Variants in DIS3L2 observed in about 807,000 individuals in gnomAD.
The protein encoded by DIS3L2 is DIS3-like exonuclease 2.
A neutral mutation model predicts 97.5 loss-of-function variants in DIS3L2; 34 were observed. The observed-to-expected ratio is 0.35, with a 90% confidence interval of 0.27 to 0.46. DIS3L2 has a LOEUF of 0.46. Ranked by LOEUF, DIS3L2 falls within the 20% of genes least tolerant of loss-of-function variation. DIS3L2 has a pLI of 1.00. For synonymous variants in DIS3L2, 435 were observed against 445.2 expected (o/e 0.98, Z 0.29); for missense variants, 1,038 against 1,146.0 (o/e 0.91, Z 1.36).
chr2:232,166,411 A>G (rs1231334472), intron 9 of DIS3L2, among the ~76,000 whole-genome samples: 1 of 152,202 alleles, frequency 6.6e-6, no homozygotes, highest in African/African-American at 2.4e-5. Context: ...CTATTCATGA[A>G]GTAACAAGGA....
intron 1 of DIS3L2, among the ~76,000 whole-genome samples, chr2:231,961,979 T>C (rs1458519970): frequency 6.6e-6 from 1 of 152,116 alleles, no homozygotes; most frequent in African/African-American, 2.4e-5. Context: ...CTCCCCACTC[T>C]CCGCTCCTGA....
At chr2:232,339,469 CAG>C (rs573585703), downstream of DIS3L2, among the ~76,000 whole-genome samples, 476 of 152,322 alleles carry the variant, frequency 3.1e-3, 4 homozygotes, top group Non-Finnish European at 4.7e-3. Context: ...AGAGGCCTGA[CAG>C]GGACAGGCTG....
intron 1 of DIS3L2, among the ~76,000 whole-genome samples, chr2:231,991,818 G>A (rs1170882557): frequency 6.6e-6 from 1 of 152,184 alleles, no homozygotes; most frequent in Non-Finnish European, 1.5e-5. Context: ...GGTTTTGAGA[G>A]TACACAGGGC....
chr2:232,179,986 G>A (rs1252208026), intron 9 of DIS3L2, among the ~76,000 whole-genome samples: 18 of 125,348 alleles, frequency 1.4e-4, no homozygotes, highest in South Asian at 1.0e-3. Flanking sequence ...CTTTGAATGC[G>A]TCCCAGAGAT....
In DIS3L2 at chr2:232,238,580, C is replaced by T. The variant is rs1692997355; in HGVS notation, c.1252C>T (p.Pro418Ser). 1 of 1,614,166 alleles carries T rather than the reference C, an allele frequency of 6.2e-7. No homozygotes were observed. Among genetic ancestry groups the T allele is most frequent in the Non-Finnish European group, 8.5e-7 (1 of 1,180,028 alleles). Residue 418 changes from proline to serine, a missense_variant, in exon 11 of 21, where the codon CCG (proline) becomes TCG (serine). By Grantham distance (74) the Pro-to-Ser change is moderately conservative. Around this residue, in one of 3 missense-constraint regions of DIS3L2, gnomAD observed 813 missense variants for 880.1 expected, o/e 0.92. Coordinates refer to ENST00000325385, the MANE Select transcript of DIS3L2 (RefSeq NM_152383.5). ...VHIADVSYFV[P>S]EGSDLDKVAA... The stretch of plus-strand genomic sequence containing the variant: ...CATTGCTGACGTGAGTTACTTTGTT[C>T]CGGAGGGATCTGATCTGGATAAAGT...
At chr2:232,295,894 T>C (rs1472829183) in intron 13 of DIS3L2, among the ~76,000 whole-genome samples, 1 of 152,240 alleles carries the variant, frequency 6.6e-6, no homozygotes, top group East Asian at 1.9e-4. Flanking sequence ...ATGTTCTCTC[T>C]TTGGCTTCTA....
intron 5 of DIS3L2, among the ~76,000 whole-genome samples, chr2:232,063,702 A>G (rs1215834694): frequency 6.6e-6 from 1 of 151,960 alleles, no homozygotes; most frequent in East Asian, 1.9e-4. Context: ...AGCTTATACC[A>G]TTTGATTGAT....
chr2:232,343,238 C>A, intron 13 of DIS3L2: 2 of 890,112 alleles, frequency 2.2e-6, no homozygotes, highest in Non-Finnish European at 3.5e-6. Flanking sequence ...CTTTCTGAAG[C>A]TATGGAGCTG....
At chr2:232,163,748 A>T in intron 9 of DIS3L2, 116 bp downstream of exon 9, 1 of 1,225,380 alleles carries the variant, frequency 8.2e-7, no homozygotes, top group Non-Finnish European at 1.1e-6. Flanking sequence ...TTCAGTTGGG[A>T]ATAGGTGCTT....
intron 9 of DIS3L2, among the ~76,000 whole-genome samples, chr2:232,164,800 C>G (rs1315067239): frequency 6.6e-6 from 1 of 152,162 alleles, no homozygotes; most frequent in Non-Finnish European, 1.5e-5. Context: ...TGAACCCCTG[C>G]TAGCACATGG....
At chr2:232,102,994 CTTAT>C (rs901836083) in intron 6 of DIS3L2, among the ~76,000 whole-genome samples, 1 of 151,980 alleles carries the variant, frequency 6.6e-6, no homozygotes, top group African/African-American at 2.4e-5. Flanking sequence ...AGATTTTTAA[CTTAT>C]TTGAGTTAAC....
At chr2:232,262,672 C>G (rs1459702139) in intron 12 of DIS3L2, among the ~76,000 whole-genome samples, 2 of 152,222 alleles carry the variant, frequency 1.3e-5, no homozygotes, top group African/African-American at 4.8e-5. Flanking sequence ...GAAGCCTGTT[C>G]TAGACTTCTG....
chr2:232,119,862 C>T (rs950992681), intron 6 of DIS3L2, among the ~76,000 whole-genome samples: 7 of 152,262 alleles, frequency 4.6e-5, no homozygotes, highest in African/African-American at 1.7e-4. Flanking sequence ...AAAATATGTA[C>T]CACCTTTCTT....
intron 3 of DIS3L2, among the ~76,000 whole-genome samples, chr2:232,019,583 A>G (rs1298030647): frequency 6.6e-6 from 1 of 151,170 alleles, no homozygotes; most frequent in African/African-American, 2.4e-5. Context: ...TAAAGAGTAA[A>G]ATCAGCTGGA....
At chr2:232,226,741 G>GTGGGAGGATTGCTTGAGCC (rs1444385741) in intron 10 of DIS3L2, among the ~76,000 whole-genome samples, 1 of 152,212 alleles carries the variant, frequency 6.6e-6, no homozygotes, top group Non-Finnish European at 1.5e-5. Context: ...GGAGGCCGAG[G>GTGGGAGGATTGCTTGAGCC]TGGGAGGATT....
intron 1 of DIS3L2, among the ~76,000 whole-genome samples, chr2:231,999,047 T>G (rs1693804409): frequency 6.6e-6 from 1 of 152,354 alleles, no homozygotes; most frequent in African/African-American, 2.4e-5. Context: ...AGTGGCCAGA[T>G]AGTAAATATT....
At chr2:232,342,528 G>GA (rs1696134845) in intron 13 of DIS3L2, among the ~76,000 whole-genome samples, 3 of 152,230 alleles carry the variant, frequency 2.0e-5, no homozygotes, top group South Asian at 4.1e-4. Flanking sequence ...AACTGAAGTT[G>GA]AAAAAAATGT....
intron 13 of DIS3L2, among the ~76,000 whole-genome samples, chr2:232,342,311 A>G (rs1239650290): frequency 1.3e-5 from 2 of 151,316 alleles, no homozygotes. Flanking sequence ...ATATATACAT[A>G]TATACACATA....
intron 5 of DIS3L2, 71 bp downstream of exon 5, chr2:232,030,151 G>A (rs190190035): frequency 6.5e-6 from 9 of 1,382,732 alleles, no homozygotes; most frequent in Non-Finnish European, 8.1e-6. Flanking sequence ...CACCAACAAG[G>A]CATCATAAAC....
Sources: gnomAD v4.1 joint callset for allele counts (sites outside exome capture counted in the v4.1 genomes callset) on GRCh38, gnomAD v4.1.1 for gene constraint, gnomAD v4.1.1 regional missense constraint, MANE v1.5 for transcripts, NCBI Gene and HGNC (gene_info 2026-07-23, HGNC 2026-07-21) for gene names.